Variants in RPGRIP1L observed in about 807,000 individuals in gnomAD.
The protein encoded by RPGRIP1L is RPGRIP1 like, also known as protein fantom.
A neutral mutation model predicts 160.4 loss-of-function variants in RPGRIP1L; 131 were observed. The observed-to-expected ratio is 0.82, with a 90% CI of 0.71 to 0.94. The LOEUF is 0.94. Among genes scored for constraint, RPGRIP1L ranks in the 40% least tolerant of loss-of-function variants. The probability of loss-of-function intolerance (pLI) is 0.00; values close to 1 mark genes in which losing one functional copy is unlikely to be tolerated. For missense variants in RPGRIP1L, 1,522 were observed against 1,535.8 expected, an observed-to-expected ratio of 0.99 and a Z score of 0.15; for synonymous variants, 510 against 515.8, an observed-to-expected ratio of 0.99 and a Z score of 0.15.
intron 22 of RPGRIP1L, among the ~76,000 whole-genome samples, chr16:53,634,696 C>T (rs995230130): frequency 1.2e-4 from 19 of 152,194 alleles, no homozygotes; most frequent in Non-Finnish European, 2.2e-4. Flanking sequence ...TACACATGCT[C>T]TAGCTCCCCT....
intron 13 of RPGRIP1L, among the ~76,000 whole-genome samples, chr16:53,657,211 G>A (rs1469792310): frequency 1.3e-5 from 2 of 151,842 alleles, no homozygotes; most frequent in African/African-American, 4.8e-5. Context: ...CTGGATTCCA[G>A]CCTGGGTGAC....
chr16:53,644,066 T>C (rs1966403951), intron 17 of RPGRIP1L, among the ~76,000 whole-genome samples: 1 of 152,156 alleles, frequency 6.6e-6, no homozygotes, highest in Non-Finnish European at 1.5e-5. Context: ...CGGTAGCATG[T>C]GCCTGTAGTT....
intron 21 of RPGRIP1L, among the ~76,000 whole-genome samples, chr16:53,637,097 A>C (rs1965889228): frequency 6.6e-6 from 1 of 152,088 alleles, no homozygotes; most frequent in South Asian, 2.1e-4. Flanking sequence ...CCTGGGCTCA[A>C]GTAATCTTCC....
chr16:53,604,673 A>G (rs1963562200), intron 26 of RPGRIP1L, among the ~76,000 whole-genome samples: 1 of 152,220 alleles, frequency 6.6e-6, no homozygotes, highest in Admixed American at 6.5e-5. Flanking sequence ...GGTGGGAAAT[A>G]AAGGATCAAA....
At chr16:53,642,294 A>G (rs558190782) in intron 17 of RPGRIP1L, among the ~76,000 whole-genome samples, 1 of 152,226 alleles carries the variant, frequency 6.6e-6, no homozygotes, top group African/African-American at 2.4e-5. Flanking sequence ...TCCTGGCCTC[A>G]AGCCATCCGC....
At chr16:53,620,735 A>C (rs1470105598) in intron 23 of RPGRIP1L, among the ~76,000 whole-genome samples, 1 of 152,210 alleles carries the variant, frequency 6.6e-6, no homozygotes. Context: ...ACGTGCATAA[A>C]AAATGAAGTT....
chr16:53,611,912 G>C (rs1964068538), intron 24 of RPGRIP1L, among the ~76,000 whole-genome samples: 1 of 152,182 alleles, frequency 6.6e-6, no homozygotes, highest in African/African-American at 2.4e-5. Context: ...TCTCAACTTA[G>C]AGATTATTCC....
Position 53,675,073 on chromosome 16 carries a change from C to T in RPGRIP1L, c.826G>A (p.Val276Ile). 6.2e-7 allele frequency: 1 copy of T among 1,611,920 alleles called. No individual in the cohort carries two copies. Among genetic ancestry groups the T allele is most frequent in the Admixed American group, 1.7e-5 (1 of 59,988 alleles). The change falls in exon 7 of 27, where the codon GTA (valine) becomes ATA (isoleucine). Residue 276 changes from valine (V) to isoleucine (I), a missense_variant. Physicochemically the swap from Val to Ile is conservative, Grantham distance 29. Transcript: ENST00000647211. ...GCTGAAAGAGCATTGCTTTTCTCTA[C>T]TAGCTGTTTATGAAGCTTAATCATT... Reference protein sequence around the residue: ...VEMIKLHKQLVEKSNALSAME... With the variant: ...VEMIKLHKQLIEKSNALSAME...
At chr16:53,702,302 G>C (rs1233885135) in intron 1 of RPGRIP1L, among the ~76,000 whole-genome samples, 3 of 152,186 alleles carry the variant, frequency 2.0e-5, no homozygotes, top group Non-Finnish European at 4.4e-5. Context: ...ATTTTTGGTT[G>C]TCACAACAAG....
intron 2 of RPGRIP1L, among the ~76,000 whole-genome samples, chr16:53,699,127 A>C (rs1481509275): frequency 1.3e-5 from 2 of 152,080 alleles, no homozygotes; most frequent in East Asian, 3.9e-4. Context: ...TGCTGTGTCC[A>C]CTCAGGGTTA....
intron 9 of RPGRIP1L, 135 bp downstream of exon 9, chr16:53,671,375 A>G (rs1413273130): frequency 1.5e-6 from 1 of 650,778 alleles, no homozygotes; most frequent in African/African-American, 1.8e-5. Context: ...TATTTCCTTT[A>G]TACAGTTTGC....
chr16:53,658,709 C>A, intron 11 of RPGRIP1L, 63 bp downstream of exon 11: 1 of 1,105,248 alleles, frequency 9.0e-7, no homozygotes. Context: ...AGTGCTTTCT[C>A]TATGCATAAA....
At chr16:53,651,972 TATAA>T (rs1420001291) in intron 15 of RPGRIP1L, among the ~76,000 whole-genome samples, 9 of 152,030 alleles carry the variant, frequency 5.9e-5, no homozygotes, top group East Asian at 5.8e-4. Flanking sequence ...TTAATTTATT[TATAA>T]ATAAATTACA....
At chr16:53,627,088 T>A (rs932369528) in intron 22 of RPGRIP1L, among the ~76,000 whole-genome samples, 5 of 152,212 alleles carry the variant, frequency 3.3e-5, no homozygotes, top group African/African-American at 1.2e-4. Flanking sequence ...ATTATTGGCA[T>A]GCTTAAAATT....
intron 22 of RPGRIP1L, among the ~76,000 whole-genome samples, chr16:53,632,298 C>G (rs577125629): frequency 1.3e-5 from 2 of 152,332 alleles, no homozygotes; most frequent in South Asian, 4.1e-4. Flanking sequence ...TAGGACACTA[C>G]TTCTAGTCCT....
chr16:53,687,289 C>T (rs1043524346), intron 5 of RPGRIP1L, among the ~76,000 whole-genome samples: 1 of 152,076 alleles, frequency 6.6e-6, no homozygotes, highest in African/African-American at 2.4e-5. Flanking sequence ...AAAGTGGAAC[C>T]TTACCTTCAT....
rs1401652634 is a variant in RPGRIP1L, at chr16:53,641,430, A to G, written c.2729T>C (p.Ile910Thr). Reference protein sequence around the residue: ...TDHQKHPAGTIHVILKWKFAY... With the variant: ...TDHQKHPAGTTHVILKWKFAY... Reference sequence around the variant, plus strand: ...AAATTTCCATTTCAATATAACATGGATGGTGCCAGCAGGATGCTTTTGATG... The same window carrying G: ...AAATTTCCATTTCAATATAACATGGGTGGTGCCAGCAGGATGCTTTTGATG... Residue 910 changes from isoleucine to threonine, a missense_variant, in exon 18 of 27, where the codon ATC becomes ACC. Physicochemically the swap from Ile to Thr is moderately conservative, Grantham distance 89 (BLOSUM62 -1). Coordinates refer to ENST00000647211, the MANE Select transcript of RPGRIP1L (RefSeq NM_015272.5). 1 of 1,613,984 alleles carries G rather than the reference A, an allele frequency of 6.2e-7. No homozygotes were observed. The highest frequency in any genetic ancestry group is 2.2e-5 in the East Asian group (1 of 44,862).
chr16:53,677,768 A>G (rs1969298414), intron 6 of RPGRIP1L, among the ~76,000 whole-genome samples: 1 of 152,164 alleles, frequency 6.6e-6, no homozygotes, highest in African/African-American at 2.4e-5. Context: ...GTGCTTGTGG[A>G]GCAAGGCCTC....
Position 53,657,556 on chromosome 16 carries a change from C to A in RPGRIP1L, c.1478G>T (p.Arg493Leu). The A allele has an allele frequency of 1.2e-6, 2 of 1,604,924 alleles. No homozygotes were observed. The highest frequency in any genetic ancestry group is 1.3e-5 in the African/African-American group (1 of 74,768). The change falls in exon 13 of 27, where the codon CGC (arginine) becomes CTC (leucine). Residue 493 changes from arginine to leucine, a missense_variant. By Grantham distance (102) the Arg-to-Leu change is moderately radical. Coordinates refer to ENST00000647211, the MANE Select transcript of RPGRIP1L (RefSeq NM_015272.5). ...AGTTGCTTGCAGCTCTCTCATAGAG[C>A]GTTCTAGATCTTTATTAATTTCACT... ...VDSEINKDLE[R>L]SMRELQATHA...
Sources: gnomAD v4.1 joint callset for allele counts (sites outside exome capture counted in the v4.1 genomes callset) on GRCh38, gnomAD v4.1.1 for gene constraint, MANE v1.5 for transcripts, NCBI Gene and HGNC (gene_info 2026-07-23, HGNC 2026-07-21) for gene names.